R3HCC1L: variants seen among roughly 807,000 people sequenced by gnomAD.
R3HCC1L encodes the protein R3H domain and coiled-coil containing 1 like.
Under a neutral mutation model 59.9 loss-of-function variants are expected in R3HCC1L, and 51 were observed. That is an observed-to-expected ratio of 0.85 (90% CI 0.68 to 1.07). The LOEUF (loss-of-function observed/expected upper bound fraction) is 1.07, where lower values mean the gene tolerates loss of function less well. Among genes scored for constraint, R3HCC1L ranks in the 50% least tolerant of loss-of-function variants. The pLI, the probability that R3HCC1L is intolerant of heterozygous loss-of-function variation, is 0.00. For missense variants in R3HCC1L, 965 were observed against 933.0 expected, an observed-to-expected ratio of 1.03 and a Z score of -0.45; for synonymous variants, 322 against 315.2, an observed-to-expected ratio of 1.02 and a Z score of -0.23.
At chr10:98,146,425 G>C (rs115442472) in intron 1 of R3HCC1L, among the ~76,000 whole-genome samples, 3,761 of 152,174 alleles carry the variant, frequency 0.025, 149 homozygotes, top group African/African-American at 0.081. Flanking sequence ...CTATCAAATT[G>C]TATGTTTGTA....
At chr10:98,201,707 C>G (rs1402768022) in intron 4 of R3HCC1L, among the ~76,000 whole-genome samples, 1 of 152,086 alleles carries the variant, frequency 6.6e-6, no homozygotes, top group African/African-American at 2.4e-5. Flanking sequence ...ACATGTTATG[C>G]TATGTCTGGT....
chr10:98,207,956 C>T (rs1852901080), intron 4 of R3HCC1L, 145 bp from the exon 5 acceptor site: 2 of 726,180 alleles, frequency 2.8e-6, no homozygotes, highest in South Asian at 2.3e-5. Flanking sequence ...CCTGGAAGGG[C>T]AGAGGTTACA....
At chr10:98,173,994 A>T (rs1280193903) in intron 4 of R3HCC1L, among the ~76,000 whole-genome samples, 1 of 152,176 alleles carries the variant, frequency 6.6e-6, no homozygotes, top group Non-Finnish European at 1.5e-5. Context: ...CTATGCCTGC[A>T]CTCAATACTG....
intron 4 of R3HCC1L, among the ~76,000 whole-genome samples, chr10:98,168,927 G>A (rs1335813574): frequency 6.6e-6 from 1 of 152,178 alleles, no homozygotes; most frequent in Non-Finnish European, 1.5e-5. Flanking sequence ...GGAGTTGGTA[G>A]GAAGAAGTAT....
chr10:98,136,743 G>A (rs549805536), intron 1 of R3HCC1L, among the ~76,000 whole-genome samples: 267 of 151,824 alleles, frequency 1.8e-3, no homozygotes, highest in Non-Finnish European at 2.3e-3. Context: ...AGGCTGAGGC[G>A]CGAGAATCGC....
At chr10:98,152,252 G>T (rs1175985800) in intron 1 of R3HCC1L, among the ~76,000 whole-genome samples, 1 of 152,226 alleles carries the variant, frequency 6.6e-6, no homozygotes, top group Non-Finnish European at 1.5e-5. Context: ...TGTTCACTCA[G>T]TGCTCAATGT....
chr10:98,211,433 G>C (rs910758251), intron 5 of R3HCC1L: 1 of 1,402,176 alleles, frequency 7.1e-7, no homozygotes, highest in Non-Finnish European at 9.4e-7. Context: ...CTGTTCAGTA[G>C]AGGTTTGAGA....
rs777396947 is a variant in R3HCC1L, at chr10:98,236,015, TC to T, written c.2129-8del. 3.7e-6 allele frequency: 6 copies of T among 1,611,646 alleles called. No individual in the cohort carries two copies. Among genetic ancestry groups the T allele is most frequent in the East Asian group, 2.2e-5 (1 of 44,876 alleles). ...ACTCCTTCCTACTCCCTTCCTTTCT[TC>T]GATTCAGAGTTCCTCCAGCCAGCAA... On this transcript the variant is annotated splice_region_variant and splice_polypyrimidine_tract_variant and intron_variant, in intron 8 of 9. Transcript: ENST00000298999.
intron 4 of R3HCC1L, among the ~76,000 whole-genome samples, chr10:98,191,388 G>A (rs1254087389): frequency 1.3e-5 from 2 of 152,144 alleles, no homozygotes; most frequent in Non-Finnish European, 2.9e-5. Context: ...TTTGATTTGC[G>A]TTTCTCTGAT....
chr10:98,230,901 C>T (rs900379753), intron 5 of R3HCC1L: 28 of 172,640 alleles, frequency 1.6e-4, no homozygotes, highest in African/African-American at 6.5e-4. Context: ...TTAATTCCTT[C>T]ACTAGCCTGC....
chr10:98,200,310 A>G (rs1314490041), intron 4 of R3HCC1L, among the ~76,000 whole-genome samples: 2 of 152,160 alleles, frequency 1.3e-5, no homozygotes, highest in African/African-American at 2.4e-5. Flanking sequence ...AAACCAGGAT[A>G]CATGGTTGCA....
chr10:98,136,232 A>G (rs902593772), intron 1 of R3HCC1L, among the ~76,000 whole-genome samples: 1 of 152,136 alleles, frequency 6.6e-6, no homozygotes, highest in Admixed American at 6.5e-5. Flanking sequence ...TTCTGAATTT[A>G]TTGATTGAAG....
chr10:98,219,950 TG>T (rs1476080305), intron 5 of R3HCC1L, among the ~76,000 whole-genome samples: 1 of 152,198 alleles, frequency 6.6e-6, no homozygotes, highest in Non-Finnish European at 1.5e-5. Flanking sequence ...CATTTTCAGC[TG>T]TTACTTCATT....
chr10:98,239,710 T>C (rs1857324884), intron 9 of R3HCC1L, among the ~76,000 whole-genome samples: 1 of 152,200 alleles, frequency 6.6e-6, no homozygotes, highest in African/African-American at 2.4e-5. Context: ...TATTTATTTA[T>C]TTATTGAGAC....
intron 4 of R3HCC1L, among the ~76,000 whole-genome samples, chr10:98,165,081 G>A (rs1847802967): frequency 6.6e-6 from 1 of 152,148 alleles, no homozygotes. Context: ...CCAACACAGG[G>A]AAACCCTGTC....
At chr10:98,203,980 C>G (rs1348519371) in intron 4 of R3HCC1L, among the ~76,000 whole-genome samples, 2 of 152,168 alleles carry the variant, frequency 1.3e-5, no homozygotes, top group African/African-American at 2.4e-5. Context: ...GAACAGAGTG[C>G]ATGCTGATGG....
chr10:98,208,745 A>T lies in R3HCC1L; in HGVS notation c.631A>T (p.Thr211Ser), dbSNP rs140074350. Residue 211 changes from threonine (T) to serine (S), a missense_variant, in exon 5 of 10, where the codon ACC becomes TCC. Physicochemically the swap from Thr to Ser is moderately conservative, Grantham distance 58. Transcript: ENST00000298999. ...KDLEGRIETD[T>S]KVLEILYEFP... is the part of the protein sequence containing the mutation. ...TTTGGAAGGCAGAATTGAAACTGAT[A>T]CCAAGGTTTTGGAGATACTATATGA... 5.0e-5 allele frequency: 81 copies of T among 1,614,124 alleles called. 1 individual carries two copies. In the Middle Eastern group the frequency reaches 2.1e-3, roughly 43 times the overall value.
chr10:98,175,879 T>C (rs1246829594), intron 4 of R3HCC1L, among the ~76,000 whole-genome samples: 7 of 152,314 alleles, frequency 4.6e-5, no homozygotes, highest in African/African-American at 1.7e-4. Context: ...ACAAAGATTT[T>C]GTTCTATATT....
chr10:98,154,182 C>CAAA (rs61379048), intron 1 of R3HCC1L, among the ~76,000 whole-genome samples: 96 of 92,776 alleles, frequency 1.0e-3, no homozygotes, highest in Middle Eastern at 6.8e-3. Context: ...AGAGAATAAG[C>CAAA]AAAAAAAAAA....
Sources: gnomAD v4.1 joint callset for allele counts (sites outside exome capture counted in the v4.1 genomes callset) on GRCh38, gnomAD v4.1.1 for gene constraint, MANE v1.5 for transcripts, NCBI Gene and HGNC (gene_info 2026-07-23, HGNC 2026-07-21) for gene names.